CAPN6: variants seen among roughly 807,000 people sequenced by gnomAD.
CAPN6 encodes the protein calpain 6, also known as calpain-6.
CAPN6 carries 16 observed loss-of-function variants against 46.0 expected under a neutral mutation model. The observed-to-expected ratio is 0.35, with a 90% CI of 0.24 to 0.53. CAPN6 has a LOEUF of 0.53. CAPN6 is among the 20% of genes least tolerant of loss of function. CAPN6 has a pLI of 0.94. For missense variants in CAPN6, 461 were observed against 498.0 expected, an observed-to-expected ratio of 0.93 and a Z score of 0.71; for synonymous variants, 206 against 172.8, an observed-to-expected ratio of 1.19 and a Z score of -1.51.
At chrX:111,262,163 T>C (rs1246896195) in intron 2 of CAPN6, among the ~76,000 whole-genome samples, 1 of 112,034 alleles carries the variant, frequency 8.9e-6, no homozygotes, top group Non-Finnish European at 1.9e-5. Context: ...TTTCCTAGAT[T>C]TTTCTTGCAG....
rs1406992889 is a variant in CAPN6, at chrX:111,251,223, A to T, written c.957T>A (p.Asp319Glu). 3 of 1,210,462 alleles carry T rather than the reference A, an allele frequency of 2.5e-6. No homozygotes were observed. Among genetic ancestry groups the T allele is most frequent in the Non-Finnish European group, 3.4e-6 (3 of 895,177 alleles). ...DRKNLGLVMS[D>E]DGEFWMSLED... ...CCCCTCCTCACCAAAACTCTCCATC[A>T]TCAGACATAACAAGCCCCAGGTTCT... Residue 319 changes from aspartate to glutamate, a missense_variant, in exon 7 of 13, where the codon GAT (aspartate) becomes GAA (glutamate). By Grantham distance (45) the Asp-to-Glu change is conservative (BLOSUM62 2). Transcript: ENST00000324068.
Sources: gnomAD v4.1 joint callset for allele counts (sites outside exome capture counted in the v4.1 genomes callset) on GRCh38, gnomAD v4.1.1 for gene constraint, MANE v1.5 for transcripts, NCBI Gene and HGNC (gene_info 2026-07-23, HGNC 2026-07-21) for gene names.